The following PKD1L1 variants were observed in gnomAD, a reference collection of about 807,000 sequenced individuals.
PKD1L1 encodes the protein polycystin 1 like 1, transient receptor potential channel interacting.
In PKD1L1, 236 loss-of-function variants were observed where a neutral mutation model predicts 323.4. The observed-to-expected ratio is 0.73, with a 90% CI of 0.66 to 0.81. The LOEUF (loss-of-function observed/expected upper bound fraction) is 0.81, where lower values mean the gene tolerates loss of function less well. Ranked by LOEUF, PKD1L1 falls within the 40% of genes least tolerant of loss-of-function variation. The pLI is 0.00. For missense variants in PKD1L1, 3,320 were observed against 3,508.0 expected, an observed-to-expected ratio of 0.95 and a Z score of 1.35; for synonymous variants, 1,344 against 1,335.0, an observed-to-expected ratio of 1.01 and a Z score of -0.15.
intron 7 of PKD1L1, among the ~76,000 whole-genome samples, chr7:47,926,270 A>G (rs1460529404): frequency 6.6e-6 from 1 of 152,208 alleles, no homozygotes; most frequent in Non-Finnish European, 1.5e-5. Context: ...ACTCCCTTCT[A>G]TTGATTCCAG....
At chr7:47,797,654 C>T (rs1484605135) in intron 54 of PKD1L1, among the ~76,000 whole-genome samples, 1 of 152,224 alleles carries the variant, frequency 6.6e-6, no homozygotes, top group Non-Finnish European at 1.5e-5. Context: ...CTCCAACCAT[C>T]CTTTTCAACA....
intron 42 of PKD1L1, 128 bp from the exon 43 acceptor site, chr7:47,830,252 G>A: frequency 1.4e-6 from 1 of 706,284 alleles, no homozygotes; most frequent in Non-Finnish European, 2.4e-6. Context: ...GAAGCCTGCT[G>A]TGGGGGTGGT....
chr7:47,838,150 G>A (rs1212649249), intron 36 of PKD1L1, among the ~76,000 whole-genome samples: 2 of 152,348 alleles, frequency 1.3e-5, no homozygotes, highest in African/African-American at 2.4e-5. Context: ...TTTAGATGTT[G>A]AAGAATTTCC....
intron 21 of PKD1L1, among the ~76,000 whole-genome samples, chr7:47,880,284 A>ATATACATT (rs1225214936): frequency 1.8e-5 from 1 of 56,818 alleles, no homozygotes; most frequent in Non-Finnish European, 2.8e-5. Flanking sequence ...ATATATATAT[A>ATATACATT]TTTTTTTTTT....
intron 34 of PKD1L1, 24 bp downstream of exon 34, chr7:47,842,938 A>C: frequency 6.3e-7 from 1 of 1,597,714 alleles, no homozygotes; most frequent in Non-Finnish European, 8.5e-7. Flanking sequence ...ACCATCAAAG[A>C]GTACCCCCAG....
At chr7:47,830,747 G>A (rs1395287400) in intron 42 of PKD1L1, among the ~76,000 whole-genome samples, 1 of 152,200 alleles carries the variant, frequency 6.6e-6, no homozygotes, top group Non-Finnish European at 1.5e-5. Context: ...CCGATGGCGA[G>A]TCCAAGCTGT....
intron 46 of PKD1L1, chr7:47,818,278 C>A: frequency 1.8e-6 from 2 of 1,104,936 alleles, no homozygotes; most frequent in Non-Finnish European, 2.3e-6. Context: ...GTGAAAAGGG[C>A]GGGAGGGTAG....
chr7:47,809,821 G>A (rs1490826159), intron 50 of PKD1L1: 1 of 358,928 alleles, frequency 2.8e-6, no homozygotes, highest in Non-Finnish European at 5.0e-6. Context: ...ACCCAAGATG[G>A]TCTCTGCACT....
intron 32 of PKD1L1, 92 bp downstream of exon 32, chr7:47,846,787 G>T: frequency 8.4e-7 from 1 of 1,191,972 alleles, no homozygotes; most frequent in Non-Finnish European, 1.2e-6. Flanking sequence ...TATGGACAAG[G>T]TTCAGGAAAG....
intron 34 of PKD1L1, among the ~76,000 whole-genome samples, chr7:47,842,002 T>A (rs775210155): frequency 6.6e-6 from 1 of 152,214 alleles, no homozygotes; most frequent in Admixed American, 6.5e-5. Context: ...TTTTGGAAAC[T>A]TATATTCCTG....
intron 2 of PKD1L1, among the ~76,000 whole-genome samples, 199 bp downstream of exon 2, chr7:47,943,197 T>G (rs1446027418): frequency 7.1e-6 from 1 of 141,174 alleles, no homozygotes; most frequent in Non-Finnish European, 1.5e-5. Context: ...TATATATATA[T>G]GTGTGTGTAC....
At chr7:47,875,984 C>A in intron 23 of PKD1L1, 113 bp downstream of exon 23, 1 of 1,192,164 alleles carries the variant, frequency 8.4e-7, no homozygotes, top group Non-Finnish European at 1.2e-6. Flanking sequence ...AAGCATTAAA[C>A]TGATCAAGGT....
At chr7:47,819,602 G>T (rs767889733) in intron 46 of PKD1L1, 1 of 1,356,390 alleles carries the variant, frequency 7.4e-7, no homozygotes, top group Non-Finnish European at 9.8e-7. Flanking sequence ...AAATGAGGAG[G>T]CAGAAAATTC....
chr7:47,817,097 C>T (rs1785035079), intron 46 of PKD1L1, among the ~76,000 whole-genome samples: 2 of 152,046 alleles, frequency 1.3e-5, no homozygotes, highest in Non-Finnish European at 2.9e-5. Context: ...ATTAGCTGGG[C>T]GTGATGGTAC....
intron 54 of PKD1L1, among the ~76,000 whole-genome samples, chr7:47,799,900 G>A (rs1242769916): frequency 2.0e-5 from 3 of 152,202 alleles, no homozygotes; most frequent in South Asian, 2.1e-4. Context: ...AGAGCAGGTC[G>A]GAGCCTCGGC....
intron 45 of PKD1L1, among the ~76,000 whole-genome samples, chr7:47,825,588 T>C (rs1201488378): frequency 6.6e-6 from 1 of 152,130 alleles, no homozygotes; most frequent in Non-Finnish European, 1.5e-5. Flanking sequence ...TCCTAGTTTG[T>C]CACTGCCATT....
Position 47,888,012 on chromosome 7 carries a change from T to C in PKD1L1, c.2814A>G (p.Ala938=), listed in dbSNP as rs1167815762. 5 of 1,613,572 alleles carry C rather than the reference T, an allele frequency of 3.1e-6. No homozygotes were observed. The highest frequency in any genetic ancestry group is 2.2e-5 in the South Asian group (2 of 91,058). The change falls in exon 17 of 57, where the codon GCA becomes GCG. Residue 938 remains alanine, a synonymous_variant. Coordinates refer to ENST00000289672, the MANE Select transcript of PKD1L1 (RefSeq NM_138295.5). ...SYSWDLFLVN[A]TEKNRIEVPF... ...TACCTTCTATCCTATTCTTTTCTGT[T>C]GCATTGACTAAAAAGAGATCCCAGG...
intron 31 of PKD1L1, 105 bp downstream of exon 31, chr7:47,853,022 G>GT: frequency 1.3e-6 from 1 of 785,636 alleles, no homozygotes; most frequent in Middle Eastern, 2.4e-4. Context: ...GGATTCTGAT[G>GT]TTTTTGTCAT....
At chr7:47,878,601 G>C (rs1442241123) in intron 21 of PKD1L1, among the ~76,000 whole-genome samples, 1 of 152,162 alleles carries the variant, frequency 6.6e-6, no homozygotes, top group Non-Finnish European at 1.5e-5. Flanking sequence ...AGGAGAAAAG[G>C]ATGATGAATC....
Sources: gnomAD v4.1 joint callset for allele counts (sites outside exome capture counted in the v4.1 genomes callset) on GRCh38, gnomAD v4.1.1 for gene constraint, MANE v1.5 for transcripts, NCBI Gene and HGNC (gene_info 2026-07-23, HGNC 2026-07-21) for gene names.